The following RHPN2 variants were observed in gnomAD, a reference collection of about 807,000 sequenced individuals.
RHPN2 encodes rhophilin-2.
In RHPN2, 40 loss-of-function variants were observed where a neutral mutation model predicts 79.0. That is an observed-to-expected ratio of 0.51 (90% CI 0.39 to 0.66). RHPN2 has a LOEUF of 0.66. Among genes scored for constraint, RHPN2 ranks in the 30% least tolerant of loss-of-function variants. The pLI is 0.00. For missense variants in RHPN2, 686 were observed against 883.5 expected (o/e 0.78, Z 2.83); for synonymous variants, 285 against 363.5 (o/e 0.78, Z 2.46).
At chr19:33,032,016 C>CTTTT (rs34807523) in intron 2 of RHPN2, among the ~76,000 whole-genome samples, 948 of 91,318 alleles carry the variant, frequency 0.01, 61 homozygotes, top group African/African-American at 0.043. Flanking sequence ...CCGGGCCGGT[C>CTTTT]TTTTTTTTTT....
chr19:33,036,242 C>T (rs1972054819), intron 2 of RHPN2, among the ~76,000 whole-genome samples: 1 of 146,548 alleles, frequency 6.8e-6, no homozygotes, highest in Admixed American at 6.8e-5. Context: ...GGCTGGAGTG[C>T]AGTGGCACAA....
At chr19:33,013,580 T>C (rs1402414397) in intron 4 of RHPN2, among the ~76,000 whole-genome samples, 6 of 152,124 alleles carry the variant, frequency 3.9e-5, no homozygotes, top group Admixed American at 3.9e-4. Context: ...TGTCTGCGCA[T>C]CGTGGCTCAC....
At position 32,996,168 on chromosome 19, in the gene RHPN2, C is replaced by A; in HGVS notation, c.1278G>T (p.Glu426Asp). 6.2e-7 allele frequency: 1 copy of A among 1,614,174 alleles called. No homozygotes were observed. The highest frequency in any genetic ancestry group is 1.3e-5 in the African/African-American group (1 of 75,070). ...AMAHHEESVR[E>D]ASLCKKLRSI... ...TCCGCAGCTTCTTGCAGAGGCTGGC[C>A]TCCCGCACCGACTCCTCGTGATGAG... Residue 426 changes from glutamate to aspartate, a missense_variant, in exon 11 of 15, where the codon GAG becomes GAT. Coordinates refer to ENST00000254260, the MANE Select transcript of RHPN2 (RefSeq NM_033103.5).
At position 33,028,598 on chromosome 19, in the gene RHPN2, C is replaced by T. The variant is rs533442491; in HGVS notation, c.186-1966G>A. ...GTAAACTGAAAACTACAAAACAATG[C>T]TGAGATATATTAAAAGAAGAGCTAT... On this transcript the variant is annotated intron_variant, in intron 2 of 14. Transcript: ENST00000254260. Among the ~76,000 whole-genome samples, 30 of 152,100 alleles carry T rather than the reference C, an allele frequency of 2.0e-4. No individual in the cohort carries two copies. The East Asian group carries it at 2.3e-3, about 12-fold the overall frequency.
At position 32,979,930 on chromosome 19, in the gene RHPN2, C is replaced by T; in HGVS notation, c.*66G>A. ...GATAGATAGATATTTTCCATTATGG[C>T]ACAAACGTTTAAGGCCGAGTCAGCA... On this transcript the variant is annotated 3_prime_UTR_variant, in exon 15 of 15. Transcript: ENST00000254260. The T allele has an allele frequency of 6.4e-7, 1 of 1,569,374 alleles. No homozygotes were observed. Among genetic ancestry groups the T allele is most frequent in the Non-Finnish European group, 8.8e-7 (1 of 1,139,904 alleles).
chr19:33,047,059 A>AT (rs1972148249), intron 1 of RHPN2, among the ~76,000 whole-genome samples: 1 of 151,688 alleles, frequency 6.6e-6, no homozygotes, highest in Non-Finnish European at 1.5e-5. Flanking sequence ...AGGTTTCACC[A>AT]TTTTTTTGCC....
intron 10 of RHPN2, among the ~76,000 whole-genome samples, chr19:32,998,470 G>A (rs1568311893): frequency 6.6e-6 from 1 of 151,828 alleles, no homozygotes; most frequent in Non-Finnish European, 1.5e-5. Flanking sequence ...TAGTGAGACC[G>A]CATCTCTACA....
intron 2 of RHPN2, among the ~76,000 whole-genome samples, chr19:33,042,770 A>T (rs1404815465): frequency 6.6e-6 from 1 of 151,920 alleles, no homozygotes; most frequent in Non-Finnish European, 1.5e-5. Flanking sequence ...TGTCTCTACA[A>T]ATAATTTTTA....
chr19:33,041,938 T>G (rs1272460844), intron 2 of RHPN2, among the ~76,000 whole-genome samples: 2 of 152,092 alleles, frequency 1.3e-5, no homozygotes, highest in Non-Finnish European at 2.9e-5. Context: ...ATCCCAGCAC[T>G]CTGGGAGGCT....
Position 33,004,385 on chromosome 19 carries a change from T to C in RHPN2, c.761-1385A>G, listed in dbSNP as rs138293766. ...TCTGGAGATGTTTAGTGGTAATGGC[T>C]GCACAACACTATGAATGTACAAATG... On this transcript the variant is annotated intron_variant, in intron 7 of 14. Transcript: ENST00000254260. Among the ~76,000 whole-genome samples the C allele has an allele frequency of 6.0e-3, 918 of 152,252 alleles. 14 individuals carry two copies. The highest frequency in any genetic ancestry group is 0.021 in the African/African-American group (862 of 41,538).
intron 7 of RHPN2, among the ~76,000 whole-genome samples, chr19:33,005,189 G>A (rs1204821619): frequency 1.3e-5 from 2 of 151,476 alleles, no homozygotes; most frequent in Non-Finnish European, 2.9e-5. Flanking sequence ...CGAGGTGGGC[G>A]GATCACCTGA....
intron 1 of RHPN2, among the ~76,000 whole-genome samples, chr19:33,061,372 A>AT (rs1234753842): frequency 2.7e-5 from 4 of 150,364 alleles, no homozygotes; most frequent in Non-Finnish European, 4.4e-5. Context: ...CGCCCGGCTA[A>AT]TTTTTTGTAT....
intron 1 of RHPN2, among the ~76,000 whole-genome samples, chr19:33,061,165 A>G (rs1023351975): frequency 2.0e-5 from 3 of 151,434 alleles, no homozygotes; most frequent in African/African-American, 7.3e-5. Flanking sequence ...GCTCTGTCCA[A>G]GCTGTTCCCT....
At chr19:32,999,874 A>G (rs1438294436) in intron 9 of RHPN2, among the ~76,000 whole-genome samples, 169 bp from the exon 10 acceptor site, 1 of 151,860 alleles carries the variant, frequency 6.6e-6, no homozygotes. Flanking sequence ...TCTAACCCTC[A>G]AGGTTTTCTT....
intron 9 of RHPN2, among the ~76,000 whole-genome samples, chr19:32,999,917 T>A (rs1971735756): frequency 6.6e-6 from 1 of 152,152 alleles, no homozygotes; most frequent in Non-Finnish European, 1.5e-5. Flanking sequence ...GTTACCAGGC[T>A]GGAGTGCAAT....
chr19:33,051,852 C>T (rs1972190675), intron 1 of RHPN2, among the ~76,000 whole-genome samples: 1 of 145,242 alleles, frequency 6.9e-6, no homozygotes, highest in South Asian at 2.3e-4. Context: ...GCAACCCTGT[C>T]TCAAGCAAAA....
chr19:33,010,770 C>T (rs915497401), intron 6 of RHPN2, among the ~76,000 whole-genome samples: 2 of 151,234 alleles, frequency 1.3e-5, no homozygotes, highest in African/African-American at 4.9e-5. Context: ...CAACCTCCGC[C>T]TCCCGGGCTC....
At chr19:33,031,220 A>ATTCTATTCTT (rs1294448793) in intron 2 of RHPN2, among the ~76,000 whole-genome samples, 25 of 149,390 alleles carry the variant, frequency 1.7e-4, no homozygotes, top group African/African-American at 4.4e-4. Context: ...TTTCTATTCT[A>ATTCTATTCTT]TTCTATTCTA....
chr19:33,017,559 T>G (rs8110226), intron 4 of RHPN2, among the ~76,000 whole-genome samples: 2,047 of 152,054 alleles, frequency 0.013, 33 homozygotes, highest in Middle Eastern at 0.037. Context: ...ACATATATTT[T>G]AAATAAAAAT....
Sources: gnomAD v4.1 joint callset for allele counts (sites outside exome capture counted in the v4.1 genomes callset) on GRCh38, gnomAD v4.1.1 for gene constraint, MANE v1.5 for transcripts, NCBI Gene and HGNC (gene_info 2026-07-23, HGNC 2026-07-21) for gene names.